Variants in MTHFS observed in about 807,000 individuals in gnomAD.
The protein encoded by MTHFS is 5-formyltetrahydrofolate cyclo-ligase.
A neutral mutation model predicts 12.7 loss-of-function variants in MTHFS; 7 were observed. The observed-to-expected ratio is 0.55, with a 90% CI of 0.31 to 1.03. The LOEUF (loss-of-function observed/expected upper bound fraction) is 1.03. Ranked by LOEUF, MTHFS falls within the 50% of genes least tolerant of loss-of-function variation. The pLI is 0.05. For missense variants in MTHFS, 252 were observed against 258.1 expected, an observed-to-expected ratio of 0.98 and a Z score of 0.16; for synonymous variants, 100 against 97.1, an observed-to-expected ratio of 1.03 and a Z score of -0.18.
intron 2 of MTHFS, 34 bp downstream of exon 2, chr15:79,889,059 T>C (rs779627298): frequency 6.2e-7 from 1 of 1,608,234 alleles, no homozygotes; most frequent in Non-Finnish European, 8.5e-7. Context: ...CAACTGGTCA[T>C]AATCTAACAA....
chr15:79,854,136 G>C (rs934814119), intron 2 of MTHFS, among the ~76,000 whole-genome samples: 1 of 152,200 alleles, frequency 6.6e-6, no homozygotes, highest in Non-Finnish European at 1.5e-5. Flanking sequence ...CTTGGTGGTG[G>C]AATCAGTCAA....
At chr15:79,893,782 CAGAG>C (rs141933194) in intron 1 of MTHFS, among the ~76,000 whole-genome samples, 3,469 of 150,954 alleles carry the variant, frequency 0.023, 127 homozygotes, top group African/African-American at 0.079. Context: ...CAGAAACTGA[CAGAG>C]GGAGTAGAAA....
intron 2 of MTHFS, among the ~76,000 whole-genome samples, chr15:79,879,559 T>C (rs2034262044): frequency 6.6e-6 from 1 of 152,162 alleles, no homozygotes; most frequent in Non-Finnish European, 1.5e-5. Context: ...ATTGTATTTG[T>C]TATAAAACTA....
chr15:79,896,756 G>A (rs2034581757), intron 1 of MTHFS, 116 bp downstream of exon 1: 3 of 1,446,942 alleles, frequency 2.1e-6, no homozygotes, highest in East Asian at 2.8e-5. Flanking sequence ...CGCGCCGGGG[G>A]GTGGGGGGGC....
chr15:79,867,792 A>C (rs2034038050), intron 2 of MTHFS, among the ~76,000 whole-genome samples: 1 of 152,208 alleles, frequency 6.6e-6, no homozygotes, highest in Non-Finnish European at 1.5e-5. Context: ...ATAAAGATGA[A>C]GAATCAGCAC....
chr15:79,860,116 G>A (rs756532137), intron 2 of MTHFS, among the ~76,000 whole-genome samples: 4 of 152,068 alleles, frequency 2.6e-5, no homozygotes, highest in African/African-American at 4.8e-5. Context: ...TTGGCCAGGC[G>A]TGGTGGCTCA....
In MTHFS at chr15:79,889,103, G is replaced by A. The variant is rs763598585; in HGVS notation, c.369C>T (p.Ala123=). 1.9e-6 allele frequency: 3 copies of A among 1,614,002 alleles called. No homozygotes were observed. Among genetic ancestry groups the A allele is most frequent in the African/African-American group, 2.7e-5 (2 of 74,922 alleles). Residue 123 remains alanine, a synonymous_variant, in exon 2 of 3, where the codon GCC becomes GCT. Coordinates refer to ENST00000258874, the MANE Select transcript of MTHFS (RefSeq NM_006441.4). ...CACCATAATACTCACCTGTGGACAAGGCCTCCTCCCGAACATCACCCTCAC... is the reference window on the plus strand; with the variant it reads ...CACCATAATACTCACCTGTGGACAAAGCCTCCTCCCGAACATCACCCTCAC... ...QPGEGDVREE[A]LSTGGLDLIF...
intron 2 of MTHFS, among the ~76,000 whole-genome samples, chr15:79,887,024 C>T (rs966677933): frequency 1.3e-5 from 2 of 152,158 alleles, no homozygotes; most frequent in African/African-American, 4.8e-5. Flanking sequence ...CATCTGAGGT[C>T]AGGAGTTCGA....
chr15:79,847,669 CAAAAA>C (rs55956333), intron 2 of MTHFS, among the ~76,000 whole-genome samples: 60 of 75,392 alleles, frequency 8.0e-4, no homozygotes, highest in South Asian at 5.4e-4. Context: ...GACTCCGTCT[CAAAAA>C]AAAAAAAAAA....
chr15:79,877,955 C>CA (rs2034230411), intron 2 of MTHFS: 1 of 151,738 alleles, frequency 6.6e-6, no homozygotes, highest in Admixed American at 6.6e-5. Context: ...CCTAGATAAA[C>CA]AAAAACTGAG....
rs1288312670 is a variant in MTHFS at position 79,845,206 on chromosome 15, A to G, written c.*4T>C. The G allele has an allele frequency of 6.2e-7, 1 of 1,614,056 alleles. No individual in the cohort carries two copies. Among genetic ancestry groups the G allele is most frequent in the Admixed American group, 1.7e-5 (1 of 60,004 alleles). On this transcript the variant is annotated 3_prime_UTR_variant, in exon 3 of 3. Transcript: ENST00000258874. The stretch of plus-strand genomic sequence containing the variant: ...ACTGATTATTTGGCTGTAGTAATCC[A>G]GATTTAAGCTGTTGACGAGTCTTCG...
At chr15:79,856,904 G>C (rs1361204640) in intron 2 of MTHFS, among the ~76,000 whole-genome samples, 1 of 152,058 alleles carries the variant, frequency 6.6e-6, no homozygotes, top group Admixed American at 6.6e-5. Context: ...CTTAAAAGCA[G>C]TGAAGAACAA....
chr15:79,844,912 C>T lies in MTHFS; in HGVS notation c.*298G>A, dbSNP rs2033581996. The T allele has an allele frequency of 5.1e-6, 2 of 389,530 alleles. No individual in the cohort carries two copies. The highest frequency in any genetic ancestry group is 2.6e-5 in the South Asian group (1 of 38,498). The allele number at this position is 389,530 out of a possible 1,614,324, so 24.1% of individuals were successfully genotyped here. A position where few individuals can be genotyped will look rare whatever the true frequency, so the allele number is the denominator to read the frequency against. The stretch of plus-strand genomic sequence containing the variant: ...CTCGCACTCAGTCGGAGCACAGTTC[C>T]TCATAAATATTTAACTTAAATTGCA... On this transcript the variant is annotated 3_prime_UTR_variant, in exon 3 of 3. Coordinates refer to ENST00000258874, the MANE Select transcript of MTHFS (RefSeq NM_006441.4).
intron 2 of MTHFS, among the ~76,000 whole-genome samples, chr15:79,847,463 T>C (rs572689531): frequency 1.3e-5 from 2 of 151,696 alleles, no homozygotes; most frequent in East Asian, 3.9e-4. Flanking sequence ...GGCGGGCGGA[T>C]CATGAGGTCA....
At position 79,863,782 on chromosome 15, in the gene MTHFS, G is replaced by A. The variant is rs554721983; in HGVS notation, c.380-18340C>T. 3.9e-5 allele frequency among the ~76,000 whole-genome samples: 6 copies of A among 152,290 alleles called. 1 individual carries two copies. The East Asian group carries it at 1.2e-3, about 29-fold the overall frequency. On this transcript the variant is annotated intron_variant, in intron 2 of 2. Transcript: ENST00000258874. The stretch of plus-strand genomic sequence containing the variant: ...CAGGACCATATGGCATATGCGGCAG[G>A]ATCTGTCCCTAATGACTGTGGGGCC...
At chr15:79,876,161 T>C (rs1028880515) in intron 2 of MTHFS, 8 of 151,654 alleles carry the variant, frequency 5.3e-5, no homozygotes, top group South Asian at 2.1e-4. Flanking sequence ...AAAAAAAATA[T>C]AGGATATGCA....
In MTHFS at chr15:79,896,857, C is replaced by G. The variant is rs2034586245; in HGVS notation, c.117+15G>C. The stretch of plus-strand genomic sequence containing the variant: ...GGTCTGTCCGCCGCGGCTTCCGCTA[C>G]GGGCGGCCTCGCACCTTCTGGCTCA... On this transcript the variant is annotated intron_variant, in intron 1 of 2. Coordinates refer to ENST00000258874, the MANE Select transcript of MTHFS (RefSeq NM_006441.4). The G allele has an allele frequency of 2.6e-6, 4 of 1,541,374 alleles. No homozygotes were observed. In the East Asian group the frequency reaches 9.8e-5, roughly 38 times the overall value.
chr15:79,890,206 CCTTT>C (rs1166048169), intron 1 of MTHFS, among the ~76,000 whole-genome samples: 2 of 122,530 alleles, frequency 1.6e-5, no homozygotes, highest in Non-Finnish European at 3.4e-5. Context: ...TCTCTTTTTT[CCTTT>C]TTTTTTTTTT....
intron 2 of MTHFS, among the ~76,000 whole-genome samples, chr15:79,868,783 G>C (rs188353742): frequency 6.6e-6 from 1 of 152,250 alleles, no homozygotes; most frequent in African/African-American, 2.4e-5. Context: ...CCTTTCCTGG[G>C]TCTCTAGCTT....
Sources: gnomAD v4.1 joint callset for allele counts (sites outside exome capture counted in the v4.1 genomes callset) on GRCh38, gnomAD v4.1.1 for gene constraint, MANE v1.5 for transcripts, NCBI Gene and HGNC (gene_info 2026-07-23, HGNC 2026-07-21) for gene names.